Variants in NCAM2 observed in about 807,000 individuals in gnomAD.
The protein encoded by NCAM2 is N-CAM-2.
A neutral mutation model predicts 98.1 loss-of-function variants in NCAM2; 30 were observed. The observed-to-expected ratio is 0.31, with a 90% CI of 0.23 to 0.41. NCAM2 has a LOEUF of 0.41. Ranked by LOEUF, NCAM2 falls within the 10% of genes least tolerant of loss-of-function variation. The probability of loss-of-function intolerance (pLI) is 1.00; values close to 1 mark genes in which losing one functional copy is unlikely to be tolerated. For missense variants in NCAM2, 867 were observed against 1,005.8 expected (o/e 0.86, Z 1.87); for synonymous variants, 368 against 342.4 (o/e 1.07, Z -0.83).
chr21:21,098,481 A>G (rs1275296121), intron 1 of NCAM2, among the ~76,000 whole-genome samples: 1 of 151,804 alleles, frequency 6.6e-6, no homozygotes, highest in African/African-American at 2.4e-5. Flanking sequence ...ATCCAAATAC[A>G]TTCCAGAAGG....
chr21:21,353,951 T>C (rs557553159), intron 8 of NCAM2, among the ~76,000 whole-genome samples: 2 of 152,226 alleles, frequency 1.3e-5, no homozygotes, highest in Non-Finnish European at 2.9e-5. Flanking sequence ...TTTTAGAACA[T>C]TTGTCTAAAA....
rs568285279 is a variant in NCAM2 at position 21,034,470 on chromosome 21, A to G, written c.55+35852A>G. On this transcript the variant is annotated intron_variant, in intron 1 of 17. Transcript: ENST00000400546. ...CTCGGTCGTCCATACATCAACAGGC[A>G]CAAAGGCTGATACTCAGTTTCTGTA... is the stretch of plus-strand genomic sequence containing the variant. Among the ~76,000 whole-genome samples, 4 of 152,242 alleles carry G rather than the reference A, an allele frequency of 2.6e-5. No homozygotes were observed. In the East Asian group the frequency reaches 7.7e-4, roughly 29 times the overall value.
At chr21:21,150,279 T>A (rs569051494) in intron 1 of NCAM2, among the ~76,000 whole-genome samples, 49 of 152,280 alleles carry the variant, frequency 3.2e-4, no homozygotes, top group African/African-American at 1.1e-3. Context: ...TGTGAGTTGC[T>A]TACAAATTAT....
intron 8 of NCAM2, among the ~76,000 whole-genome samples, chr21:21,344,404 T>G (rs2075131945): frequency 6.6e-6 from 1 of 152,152 alleles, no homozygotes; most frequent in Admixed American, 6.6e-5. Context: ...GTCACTGTCC[T>G]GAAATGTGAT....
At chr21:21,263,842 G>A (rs1282020423) in intron 1 of NCAM2, among the ~76,000 whole-genome samples, 1 of 151,898 alleles carries the variant, frequency 6.6e-6, no homozygotes, top group Non-Finnish European at 1.5e-5. Flanking sequence ...TTTGAACCAC[G>A]CACAAAAAGT....
chr21:21,049,653 C>T (rs768324424), intron 1 of NCAM2, among the ~76,000 whole-genome samples: 12 of 152,038 alleles, frequency 7.9e-5, no homozygotes, highest in Non-Finnish European at 1.6e-4. Context: ...GGGCAGATTA[C>T]CTGAGGTCAG....
chr21:21,413,336 G>A (rs1243185316), intron 10 of NCAM2, among the ~76,000 whole-genome samples: 2 of 152,080 alleles, frequency 1.3e-5, no homozygotes, highest in African/African-American at 4.8e-5. Context: ...GGAATACATA[G>A]AAGAAATAAA....
intron 8 of NCAM2, among the ~76,000 whole-genome samples, chr21:21,367,195 A>G (rs1194424747): frequency 6.6e-6 from 1 of 151,964 alleles, no homozygotes; most frequent in African/African-American, 2.4e-5. Context: ...CAAGATGTAC[A>G]TTTTAGATCT....
In NCAM2 at chr21:21,150,291, T is replaced by C. The variant is rs139796701; in HGVS notation, c.56-130287T>C. 2.4e-3 allele frequency among the ~76,000 whole-genome samples: 362 copies of C among 152,254 alleles called. 2 individuals carry two copies. Among genetic ancestry groups the C allele is most frequent in the African/African-American group, 8.5e-3 (353 of 41,552 alleles). On this transcript the variant is annotated intron_variant, in intron 1 of 17. Coordinates refer to ENST00000400546, the MANE Select transcript of NCAM2 (RefSeq NM_004540.5). ...TTCTGTGAGTTGCTTACAAATTATT[T>C]GTGAATTAGTTTTACTTCTTGCCAA...
At chr21:21,309,988 G>A (rs1009864375) in intron 5 of NCAM2, among the ~76,000 whole-genome samples, 2 of 152,092 alleles carry the variant, frequency 1.3e-5, no homozygotes, top group African/African-American at 4.8e-5. Flanking sequence ...CTGCATCTTG[G>A]TTGGAAACTG....
intron 1 of NCAM2, among the ~76,000 whole-genome samples, chr21:21,008,528 T>C (rs1374540395): frequency 6.6e-6 from 1 of 152,152 alleles, no homozygotes; most frequent in African/African-American, 2.4e-5. Flanking sequence ...AAAGGTGAAA[T>C]TACTTGCCCA....
At chr21:21,126,144 C>A (rs905190762) in intron 1 of NCAM2, among the ~76,000 whole-genome samples, 1 of 140,740 alleles carries the variant, frequency 7.1e-6, no homozygotes, top group African/African-American at 2.6e-5. Flanking sequence ...TAAATAAATA[C>A]TTGCTTTTGA....
chr21:21,178,384 C>A (rs1313991194), intron 1 of NCAM2, among the ~76,000 whole-genome samples: 1 of 152,052 alleles, frequency 6.6e-6, no homozygotes, highest in Non-Finnish European at 1.5e-5. Context: ...TAATTTTAAT[C>A]CAAACATTCA....
At chr21:21,181,488 G>A (rs892486332) in intron 1 of NCAM2, among the ~76,000 whole-genome samples, 1 of 152,080 alleles carries the variant, frequency 6.6e-6, no homozygotes, top group Non-Finnish European at 1.5e-5. Flanking sequence ...TTGCATGCTT[G>A]TCGTGTGCGT....
intron 1 of NCAM2, among the ~76,000 whole-genome samples, chr21:21,030,467 G>A (rs536974143): frequency 1.3e-5 from 2 of 152,216 alleles, no homozygotes; most frequent in South Asian, 2.1e-4. Flanking sequence ...TGAATGACCT[G>A]CCTTTTTAAG....
chr21:21,028,325 T>C (rs2064596922), intron 1 of NCAM2, among the ~76,000 whole-genome samples: 2 of 152,264 alleles, frequency 1.3e-5, no homozygotes, highest in African/African-American at 4.8e-5. Context: ...CATCTTGTTA[T>C]TGAACAAATA....
chr21:21,286,333 G>A lies in NCAM2; in HGVS notation c.402G>A (p.Val134=). The change falls in exon 4 of 18, where the codon GTG becomes GTA. Residue 134 remains valine, a synonymous_variant. Transcript: ENST00000400546. The part of the protein sequence containing the change: ...QEFKQGEDAE[V]VCRVSSSPAP... ...TCAAACAAGGAGAAGATGCAGAAGT[G>A]GTTTGCCGAGTTAGCAGTTCACCTG... The A allele has an allele frequency of 6.2e-7, 1 of 1,612,242 alleles. No homozygotes were observed. Among genetic ancestry groups the A allele is most frequent in the Non-Finnish European group, 8.5e-7 (1 of 1,179,042 alleles).
chr21:21,235,348 G>T lies in NCAM2; in HGVS notation c.56-45230G>T, dbSNP rs1049176964. On this transcript the variant is annotated intron_variant, in intron 1 of 17. Coordinates refer to ENST00000400546, the MANE Select transcript of NCAM2 (RefSeq NM_004540.5). ...ACAGGAATTTTGCAGGGAAATTTAA[G>T]AAATAGTTTTATTTATTTCTTCTCT... is the stretch of plus-strand genomic sequence containing the variant. Among the ~76,000 whole-genome samples the T allele has an allele frequency of 2.0e-5, 3 of 151,916 alleles. No homozygotes were observed. In the South Asian group the frequency reaches 6.2e-4, roughly 31 times the overall value.
chr21:21,385,441 T>C (rs1436765332), intron 9 of NCAM2, among the ~76,000 whole-genome samples: 1 of 151,078 alleles, frequency 6.6e-6, no homozygotes, highest in Non-Finnish European at 1.5e-5. Flanking sequence ...AACAGTCTTA[T>C]ACCACCTGAA....
Sources: gnomAD v4.1 joint callset for allele counts (sites outside exome capture counted in the v4.1 genomes callset) on GRCh38, gnomAD v4.1.1 for gene constraint, MANE v1.5 for transcripts, NCBI Gene and HGNC (gene_info 2026-07-23, HGNC 2026-07-21) for gene names.